Variants in SLC29A4 observed in about 807,000 individuals in gnomAD.
SLC29A4 encodes the protein solute carrier family 29 member 4.
A neutral mutation model predicts 43.9 loss-of-function variants in SLC29A4; 36 were observed. The ratio of observed to expected loss-of-function variants is 0.82; its 90% CI spans 0.63 to 1.08. The LOEUF (loss-of-function observed/expected upper bound fraction) is 1.08, where lower values mean the gene tolerates loss of function less well. Ranked by LOEUF, SLC29A4 falls within the 50% of genes least tolerant of loss-of-function variation. SLC29A4 has a pLI of 0.00. For missense variants in SLC29A4, 869 were observed against 755.3 expected, an observed-to-expected ratio of 1.15 and a Z score of -1.77; for synonymous variants, 491 against 338.0, an observed-to-expected ratio of 1.45 and a Z score of -4.97.
rs771156136 is a variant in SLC29A4 at position 5,306,633 on chromosome 7, C to A, written c.*3694C>A. Reference sequence around the variant, plus strand: ...ACAGGCGTGAGCCACTGTGCCCAGCCGATGAGCTCATTTAGATGGCTGCAT... The same window carrying A: ...ACAGGCGTGAGCCACTGTGCCCAGCAGATGAGCTCATTTAGATGGCTGCAT... On this transcript the variant is annotated 3_prime_UTR_variant, in exon 11 of 11. Coordinates refer to ENST00000396872, the MANE Select transcript of SLC29A4 (RefSeq NM_153247.4). 2.0e-5 allele frequency: 3 copies of A among 152,162 alleles called. No homozygotes were observed. Among genetic ancestry groups the A allele is most frequent in the African/African-American group, 4.8e-5 (2 of 41,424 alleles). The allele number at this position is 152,162 out of a possible 1,614,324, so 9.4% of individuals were successfully genotyped here. A position where few individuals can be genotyped will look rare whatever the true frequency, so the allele number is the denominator to read the frequency against.
Position 5,304,608 on chromosome 7 carries a change from CAAGCGAT to C in SLC29A4, c.*1670_*1676del, listed in dbSNP as rs1786388861. On this transcript the variant is annotated 3_prime_UTR_variant, in exon 11 of 11. Transcript: ENST00000396872. ...CACTGCAATCTCTGCCTTCCAGGTT[CAAGCGAT>C]TCTCCTGCCTCAGCCTCTCAAGTAG... 6.6e-6 allele frequency: 1 copy of C among 152,116 alleles called. No homozygotes were observed. The highest frequency in any genetic ancestry group is 6.6e-5 in the Admixed American group (1 of 15,256). 9.4% of individuals were successfully genotyped at this position (152,116 alleles called of 1,614,324 possible).
intron 1 of SLC29A4, among the ~76,000 whole-genome samples, chr7:5,286,514 C>G (rs1463368123): frequency 6.8e-6 from 1 of 146,166 alleles, no homozygotes; most frequent in Admixed American, 6.7e-5. Flanking sequence ...CAGAGCAAGA[C>G]TCCATCTCAA....
intron 6 of SLC29A4, 90 bp downstream of exon 6, chr7:5,295,024 G>T (rs755931062): frequency 5.6e-5 from 63 of 1,132,012 alleles, no homozygotes; most frequent in Non-Finnish European, 7.6e-5. Flanking sequence ...GATGCTCCCC[G>T]GTCTGGGAGG....
In SLC29A4 at chr7:5,283,119, G is replaced by T. The variant is rs1228528187; in HGVS notation, c.-9+37G>T. On this transcript the variant is annotated intron_variant, in intron 1 of 10. Transcript: ENST00000396872. ...CCGCGGGACGCGGGGAGACGCCGGC[G>T]GGGACCTGTCGGAGCCTTTGTCTGC... is the stretch of plus-strand genomic sequence containing the variant. 3 of 149,380 alleles carry T rather than the reference G, an allele frequency of 2.0e-5. No homozygotes were observed. In the South Asian group the frequency reaches 6.2e-4, roughly 31 times the overall value. The allele number at this position is 149,380 out of a possible 1,614,324, so 9.3% of individuals were successfully genotyped here.
At chr7:5,296,564 G>C (rs1315845917) in intron 6 of SLC29A4, among the ~76,000 whole-genome samples, 3 of 47,268 alleles carry the variant, frequency 6.3e-5, no homozygotes, top group Admixed American at 4.3e-4. Context: ...GGGTGGGACG[G>C]GGCTGGGTGG....
chr7:5,302,817 T>G lies in SLC29A4; in HGVS notation c.1471T>G (p.Tyr491Asp), dbSNP rs1417812891. Residue 491 changes from tyrosine (Y) to aspartate (D), a missense_variant, in exon 11 of 11, where the codon TAC becomes GAC. Physicochemically the swap from Tyr to Asp is radical, Grantham distance 160. Coordinates refer to ENST00000396872, the MANE Select transcript of SLC29A4 (RefSeq NM_153247.4). ...CACAGGGAACACCATGACCGTGTCC[T>G]ACATGTCAGGGCTGACGCTGGGGTC... ...ELAGNTMTVSYMSGLTLGSAV... is the reference protein window; with the variant it reads ...ELAGNTMTVSDMSGLTLGSAV... The G allele has an allele frequency of 6.4e-6, 10 of 1,565,902 alleles. No homozygotes were observed. Among genetic ancestry groups the G allele is most frequent in the Non-Finnish European group, 8.7e-6 (10 of 1,155,472 alleles).
At chr7:5,302,399 C>A (rs1413672128) in intron 10 of SLC29A4, among the ~76,000 whole-genome samples, 1 of 152,148 alleles carries the variant, frequency 6.6e-6, no homozygotes, top group Admixed American at 6.5e-5. Flanking sequence ...TTAGGTTAGC[C>A]AGGCACGGTG....
chr7:5,300,687 G>A (rs760029814), intron 10 of SLC29A4, 25 bp downstream of exon 10: 14 of 1,599,670 alleles, frequency 8.8e-6, no homozygotes, highest in South Asian at 5.5e-5. Context: ...ACGTGGGGGT[G>A]GGGGCGTCCT....
chr7:5,286,262 G>A (rs1410943788), intron 1 of SLC29A4, among the ~76,000 whole-genome samples: 1 of 151,920 alleles, frequency 6.6e-6, no homozygotes, highest in African/African-American at 2.4e-5. Flanking sequence ...TGGTGGCTCA[G>A]GCCTGTAATC....
Position 5,299,050 on chromosome 7 carries a change from G to A in SLC29A4, c.945G>A (p.Val315=), listed in dbSNP as rs1163078190. 6.2e-7 allele frequency: 1 copy of A among 1,612,130 alleles called. No homozygotes were observed. The highest frequency in any genetic ancestry group is 8.5e-7 in the Non-Finnish European group (1 of 1,179,856). Residue 315 remains valine (V), a synonymous_variant, in exon 8 of 11, where the codon GTG becomes GTA. Transcript: ENST00000396872. ...CAAAGGACAGCCCAGCCCACGAGGT[G>A]ACCGGCAGCGGCGGGGCCTACATGC... The part of the protein sequence containing the change: ...ESPKDSPAHE[V]TGSGGAYMRF...
At chr7:5,296,117 A>G (rs1453729205) in intron 6 of SLC29A4, among the ~76,000 whole-genome samples, 1 of 151,948 alleles carries the variant, frequency 6.6e-6, no homozygotes, top group East Asian at 1.9e-4. Flanking sequence ...GCCCCTGGCC[A>G]GGAACACCCG....
chr7:5,299,054 G>A lies in SLC29A4; in HGVS notation c.949G>A (p.Gly317Ser), dbSNP rs117803237. 1.4e-3 allele frequency: 2,311 copies of A among 1,611,798 alleles called. 24 individuals carry two copies. The East Asian group carries it at 0.019, about 13-fold the overall frequency. The change falls in exon 8 of 11, where the codon GGC becomes AGC. Residue 317 changes from glycine to serine, a missense_variant. Gly to Ser is a moderately conservative substitution (Grantham distance 56, BLOSUM62 0). Coordinates refer to ENST00000396872, the MANE Select transcript of SLC29A4 (RefSeq NM_153247.4). ...GGACAGCCCAGCCCACGAGGTGACC[G>A]GCAGCGGCGGGGCCTACATGCGCTT... ...PKDSPAHEVTGSGGAYMRFDV... is the reference protein window; with the variant it reads ...PKDSPAHEVTSSGGAYMRFDV...
Position 5,296,994 on chromosome 7 carries a change from C to T in SLC29A4, c.678C>T (p.Asp226=), listed in dbSNP as rs142745008. 84 of 1,603,754 alleles carry T rather than the reference C, an allele frequency of 5.2e-5. 1 individual carries two copies. Among genetic ancestry groups the T allele is most frequent in the East Asian group, 4.5e-5 (2 of 44,866 alleles). ...TCCTCACGAAGCTGCTGCTGCCCGA[C>T]GAGCGCGCCAGCACGCTCATCTTCT... ...SRILTKLLLP[D]ERASTLIFFL... is the part of the protein sequence containing the mutation. Residue 226 remains aspartate, a synonymous_variant, in exon 7 of 11, where the codon GAC becomes GAT. Coordinates refer to ENST00000396872, the MANE Select transcript of SLC29A4 (RefSeq NM_153247.4).
intron 2 of SLC29A4, among the ~76,000 whole-genome samples, chr7:5,288,524 C>T (rs1785106106): frequency 6.6e-6 from 1 of 151,878 alleles, no homozygotes. Flanking sequence ...GATCTCCTGA[C>T]CTCATGATCC....
At position 5,302,892 on chromosome 7, in the gene SLC29A4, T is replaced by C; in HGVS notation, c.1546T>C (p.Cys516Arg). The C allele has an allele frequency of 1.2e-6, 2 of 1,606,048 alleles. No individual in the cohort carries two copies. Among genetic ancestry groups the C allele is most frequent in the Non-Finnish European group, 1.7e-6 (2 of 1,177,160 alleles). ...YSLTRDAHGS[C>R]LHASTANGSI... is the part of the protein sequence containing the mutation. ...CCTCACCCGCGACGCTCACGGCAGC[T>C]GCCTGCACGCCTCCACCGCCAATGG... The change falls in exon 11 of 11, where the codon TGC (cysteine) becomes CGC (arginine). Residue 516 changes from cysteine to arginine, a missense_variant. Physicochemically the swap from Cys to Arg is radical, Grantham distance 180. Coordinates refer to ENST00000396872, the MANE Select transcript of SLC29A4 (RefSeq NM_153247.4).
At chr7:5,294,976 C>T in intron 6 of SLC29A4, 42 bp downstream of exon 6, 1 of 1,546,476 alleles carries the variant, frequency 6.5e-7, no homozygotes, top group Non-Finnish European at 8.7e-7. Flanking sequence ...TGCTGGGCTG[C>T]CCTGGGCTCT....
chr7:5,295,458 C>G (rs1357597677), intron 6 of SLC29A4, among the ~76,000 whole-genome samples: 1 of 152,180 alleles, frequency 6.6e-6, no homozygotes, highest in Non-Finnish European at 1.5e-5. Flanking sequence ...AAATGGCACC[C>G]CTTTGCTCAC....
rs533648298 is a variant in SLC29A4 at position 5,306,271 on chromosome 7, T to A, written c.*3332T>A. Reference sequence around the variant, plus strand: ...GTGCAGTGGTGCGATCTCAACTCACTGCAACCTCCACCCGCCGGGTCCCTG... The same window carrying A: ...GTGCAGTGGTGCGATCTCAACTCACAGCAACCTCCACCCGCCGGGTCCCTG... On this transcript the variant is annotated 3_prime_UTR_variant, in exon 11 of 11. Coordinates refer to ENST00000396872, the MANE Select transcript of SLC29A4 (RefSeq NM_153247.4). The A allele has an allele frequency of 7.5e-6, 1 of 132,556 alleles. No individual in the cohort carries two copies. The highest frequency in any genetic ancestry group is 8.6e-5 in the Admixed American group (1 of 11,590). The allele number at this position is 132,556 out of a possible 1,614,324, so 8.2% of individuals were successfully genotyped here.
At chr7:5,297,482 C>G (rs2128090908) in intron 7 of SLC29A4, among the ~76,000 whole-genome samples, 1 of 152,352 alleles carries the variant, frequency 6.6e-6, no homozygotes, top group South Asian at 2.1e-4. Flanking sequence ...GCGTGCATGG[C>G]CCCTGTCCTT....
Sources: gnomAD v4.1 joint callset for allele counts (sites outside exome capture counted in the v4.1 genomes callset) on GRCh38, gnomAD v4.1.1 for gene constraint, MANE v1.5 for transcripts, NCBI Gene and HGNC (gene_info 2026-07-23, HGNC 2026-07-21) for gene names.